The following ABCD2 variants were observed in gnomAD, a reference collection of about 807,000 sequenced individuals.
ABCD2 encodes the protein ATP binding cassette subfamily D member 2, also known as ATP-binding cassette sub-family D member 2.
ABCD2 carries 36 observed loss-of-function variants against 70.9 expected under a neutral mutation model. The ratio of observed to expected loss-of-function variants is 0.51; its 90% CI spans 0.39 to 0.67. ABCD2 has a LOEUF of 0.67. Ranked by LOEUF, ABCD2 falls within the 30% of genes least tolerant of loss-of-function variation. The pLI, the probability that ABCD2 is intolerant of heterozygous loss-of-function variation, is 0.00. For synonymous variants in ABCD2, 304 were observed against 306.9 expected (o/e 0.99, Z 0.10); for missense variants, 729 against 890.2 (o/e 0.82, Z 2.30).
In ABCD2 at chr12:39,619,472, G is replaced by T. The variant is rs1427723066; in HGVS notation, c.144C>A (p.Gly48=). The change falls in exon 1 of 10, where the codon GGC becomes GGA. Residue 48 remains glycine, a synonymous_variant. Coordinates refer to ENST00000308666, the MANE Select transcript of ABCD2 (RefSeq NM_005164.4). The stretch of plus-strand genomic sequence containing the variant: ...AAGCTGCTGCTTTTTTCTTCCCGTG[G>T]CCAGATTGCTTTAAACGCTTGCCAA... ...PIIGKRLKQS[G]HGKKKAAAYP... is the part of the protein sequence containing the mutation. The T allele has an allele frequency of 4.3e-6, 7 of 1,613,642 alleles. No homozygotes were observed. Among genetic ancestry groups the T allele is most frequent in the Non-Finnish European group, 5.9e-6 (7 of 1,179,994 alleles).
chr12:39,578,198 G>A (rs1009979205), intron 8 of ABCD2, among the ~76,000 whole-genome samples: 1 of 152,204 alleles, frequency 6.6e-6, no homozygotes, highest in Non-Finnish European at 1.5e-5. Context: ...GTGAGGGCCG[G>A]GTGAGGTGGC....
the ABCD2 span, among the ~76,000 whole-genome samples, chr12:39,536,664 T>TA: frequency 6.6e-6 from 1 of 152,198 alleles, no homozygotes; most frequent in Non-Finnish European, 1.5e-5. Flanking sequence ...TAGAGCATTT[T>TA]AGGAATCGTA....
chr12:39,536,820 T>G, the ABCD2 span, among the ~76,000 whole-genome samples: 3 of 152,328 alleles, frequency 2.0e-5, no homozygotes, highest in East Asian at 1.9e-4. Flanking sequence ...GCCAGCAGCA[T>G]CACCTTCATA....
chr12:39,531,852 G>A, the ABCD2 span, among the ~76,000 whole-genome samples: 1,674 of 152,308 alleles, frequency 0.011, 38 homozygotes, highest in African/African-American at 0.036. Context: ...CCATATATTC[G>A]CAAATGCCGC....
chr12:39,537,535 A>C, the ABCD2 span, among the ~76,000 whole-genome samples: 1 of 152,242 alleles, frequency 6.6e-6, no homozygotes, highest in African/African-American at 2.4e-5. Flanking sequence ...TACAAGCTAA[A>C]AAACAGAATC....
downstream of ABCD2, among the ~76,000 whole-genome samples, chr12:39,547,490 A>C (rs1314881317): frequency 1.3e-5 from 2 of 152,170 alleles, no homozygotes; most frequent in Non-Finnish European, 2.9e-5. Context: ...TTTAAAAAGG[A>C]AGGAAGTTCT....
downstream of ABCD2, among the ~76,000 whole-genome samples, chr12:39,545,601 G>T (rs1941018499): frequency 1.3e-5 from 2 of 152,180 alleles, 1 homozygote. Flanking sequence ...GAGAAGAGGT[G>T]CTGTATTTCT....
chr12:39,607,479 A>C, intron 3 of ABCD2, 120 bp downstream of exon 3: 2 of 733,670 alleles, frequency 2.7e-6, no homozygotes, highest in Non-Finnish European at 4.6e-6. Context: ...GATTATACGC[A>C]GCAATTTTTG....
In ABCD2 at chr12:39,619,789, G is replaced by A; in HGVS notation, c.-174C>T. 1.6e-6 allele frequency: 1 copy of A among 609,306 alleles called. No homozygotes were observed. Among genetic ancestry groups the A allele is most frequent in the Non-Finnish European group, 2.8e-6 (1 of 352,482 alleles). 37.7% of individuals were successfully genotyped at this position (609,306 alleles called of 1,614,324 possible). A position where few individuals can be genotyped will look rare whatever the true frequency, so the allele number is the denominator to read the frequency against. ...GCTGTGACAGATGCAGCAGAGCTCA[G>A]ACTCCGCTGCATCTACCGGGAATGA... On this transcript the variant is annotated 5_prime_UTR_variant, in exon 1 of 10. Coordinates refer to ENST00000308666, the MANE Select transcript of ABCD2 (RefSeq NM_005164.4).
Position 39,619,276 on chromosome 12 carries a change from G to C in ABCD2, c.340C>G (p.Leu114Val). 6.2e-7 allele frequency: 1 copy of C among 1,614,148 alleles called. No homozygotes were observed. The highest frequency in any genetic ancestry group is 1.3e-5 in the African/African-American group (1 of 75,034). The change falls in exon 1 of 10, where the codon CTA becomes GTA. Residue 114 changes from leucine to valine, a missense_variant. By Grantham distance (32) the Leu-to-Val change is conservative (BLOSUM62 1). Transcript: ENST00000308666. ...ATAGAAAGAAAGGTTCTTGAGATTA[G>C]AGCCACTGAGTGCAGGCAGAGCCAC... ...TGWLCLHSVA[L>V]ISRTFLSIYV...
intron 9 of ABCD2, among the ~76,000 whole-genome samples, chr12:39,559,090 C>T (rs756420138): frequency 1.5e-4 from 23 of 152,056 alleles, no homozygotes; most frequent in South Asian, 1.5e-3. Flanking sequence ...GAGCAAATGT[C>T]GCCTGGACAT....
chr12:39,580,350 C>G (rs778952220), intron 7 of ABCD2, among the ~76,000 whole-genome samples: 1 of 152,124 alleles, frequency 6.6e-6, no homozygotes, highest in Non-Finnish European at 1.5e-5. Context: ...AACATCTTAA[C>G]TGTTGACTTT....
intron 2 of ABCD2, among the ~76,000 whole-genome samples, chr12:39,610,284 G>C (rs1942027947): frequency 6.6e-6 from 1 of 152,076 alleles, no homozygotes; most frequent in Non-Finnish European, 1.5e-5. Flanking sequence ...TCCTCTCCTA[G>C]CCTTACTGAT....
At chr12:39,558,658 G>A (rs1276063282) in intron 9 of ABCD2, among the ~76,000 whole-genome samples, 1 of 152,048 alleles carries the variant, frequency 6.6e-6, no homozygotes, top group African/African-American at 2.4e-5. Context: ...TGTGAATAAG[G>A]TGCTTTGCTT....
In ABCD2 at chr12:39,610,147, T is replaced by C. The variant is rs149584481; in HGVS notation, c.1121-2433A>G. ...TAAGCAATAGCACAGAGAAGGAACA[T>C]GTCGAGTAATGCTAATTGAATGACA... On this transcript the variant is annotated intron_variant, in intron 2 of 9. Coordinates refer to ENST00000308666, the MANE Select transcript of ABCD2 (RefSeq NM_005164.4). 2.6e-5 allele frequency among the ~76,000 whole-genome samples: 4 copies of C among 152,274 alleles called. No homozygotes were observed. The East Asian group carries it at 7.7e-4, about 29-fold the overall frequency.
Position 39,554,076 on chromosome 12 carries a change from G to A in ABCD2, c.2059C>T (p.Gln687Ter), listed in dbSNP as rs1242737023. 6.2e-7 allele frequency: 1 copy of A among 1,613,524 alleles called. No homozygotes were observed. The highest frequency in any genetic ancestry group is 8.5e-7 in the Non-Finnish European group (1 of 1,179,830). ...GTCAAACGGATAGCAGTATCCAATTGTTCAAAGCGCCAACCTCCTTCACCA... is the reference window on the plus strand; with the variant it reads ...GTCAAACGGATAGCAGTATCCAATTATTCAAAGCGCCAACCTCCTTCACCA... ...FDGEGGWRFEQLDTAIRLTLS... is the reference protein window; with the variant it reads ...FDGEGGWRFE Residue 687 changes from glutamine to a stop codon, truncating the protein, a stop_gained, in exon 10 of 10, where the codon CAA (glutamine) becomes TAA (stop). Transcript: ENST00000308666. LOFTEE classifies it high-confidence loss of function.
downstream of ABCD2, among the ~76,000 whole-genome samples, chr12:39,548,258 C>T (rs1386469726): frequency 2.0e-5 from 3 of 152,114 alleles, no homozygotes; most frequent in Non-Finnish European, 2.9e-5. Flanking sequence ...TTAAGGTAGG[C>T]GAGACTAAAC....
chr12:39,537,837 A>C, the ABCD2 span, among the ~76,000 whole-genome samples: 4 of 152,246 alleles, frequency 2.6e-5, no homozygotes, highest in Admixed American at 6.5e-5. Context: ...TAAACAGAGA[A>C]AGTGTTTACA....
At chr12:39,533,122 G>A in the ABCD2 span, among the ~76,000 whole-genome samples, 216 of 152,024 alleles carry the variant, frequency 1.4e-3, no homozygotes, top group African/African-American at 5.0e-3. Flanking sequence ...CCGAGATCGT[G>A]TCATTGCACT....
Sources: allele counts gnomAD v4.1 joint callset (sites outside exome capture counted in the v4.1 genomes callset), GRCh38; gene constraint gnomAD v4.1.1; transcripts MANE v1.5; gene names NCBI Gene and HGNC (gene_info 2026-07-23, HGNC 2026-07-21).